CDKAL1: variants seen among roughly 807,000 people sequenced by gnomAD.
CDKAL1 encodes the protein CDKAL1 threonylcarbamoyladenosine tRNA methylthiotransferase, also known as threonylcarbamoyladenosine tRNA methylthiotransferase.
CDKAL1 carries 32 observed loss-of-function variants against 68.2 expected under a neutral mutation model. That is an observed-to-expected ratio of 0.47 (90% CI 0.35 to 0.63). CDKAL1 has a LOEUF of 0.63. Among genes scored for constraint, CDKAL1 ranks in the 30% least tolerant of loss-of-function variants. The pLI is 0.00. For synonymous variants in CDKAL1, 234 were observed against 244.3 expected, an observed-to-expected ratio of 0.96 and a Z score of 0.39; for missense variants, 606 against 696.7, an observed-to-expected ratio of 0.87 and a Z score of 1.47.
chr6:20,922,028 T>C (rs1385678619), intron 9 of CDKAL1, among the ~76,000 whole-genome samples: 2 of 152,194 alleles, frequency 1.3e-5, no homozygotes, highest in Admixed American at 1.3e-4. Flanking sequence ...TGGGCTGTCT[T>C]CTTAAAAGCG....
At chr6:21,135,129 C>T (rs1414613877) in intron 13 of CDKAL1, among the ~76,000 whole-genome samples, 1 of 152,070 alleles carries the variant, frequency 6.6e-6, no homozygotes, top group Non-Finnish European at 1.5e-5. Context: ...CTTGACTTTG[C>T]CTCCAAACTA....
At chr6:20,787,064 T>C (rs1775707763) in intron 8 of CDKAL1, among the ~76,000 whole-genome samples, 1 of 152,130 alleles carries the variant, frequency 6.6e-6, no homozygotes, top group Non-Finnish European at 1.5e-5. Flanking sequence ...AGCTTGAAGG[T>C]TTGAAATCCT....
chr6:20,969,804 G>A (rs1013742281), intron 10 of CDKAL1, among the ~76,000 whole-genome samples: 2 of 152,088 alleles, frequency 1.3e-5, no homozygotes, highest in Non-Finnish European at 1.5e-5. Flanking sequence ...AGTTTAGCAC[G>A]TTCTCAGATA....
At chr6:21,008,839 A>G (rs1386553137) in intron 11 of CDKAL1, among the ~76,000 whole-genome samples, 1 of 152,218 alleles carries the variant, frequency 6.6e-6, no homozygotes, top group Non-Finnish European at 1.5e-5. Flanking sequence ...GGCTTAGAGC[A>G]GTATTTCTTG....
intron 13 of CDKAL1, among the ~76,000 whole-genome samples, chr6:21,120,267 A>G (rs895347926): frequency 2.0e-5 from 3 of 152,232 alleles, no homozygotes; most frequent in Admixed American, 2.0e-4. Flanking sequence ...ATATATATGA[A>G]GTGTATTTTA....
At chr6:21,082,952 C>A (rs1236126775) in intron 12 of CDKAL1, among the ~76,000 whole-genome samples, 1 of 149,750 alleles carries the variant, frequency 6.7e-6, no homozygotes, top group African/African-American at 2.5e-5. Flanking sequence ...CGGCTCCCTG[C>A]AACCTCGACC....
chr6:20,583,811 C>CT (rs779577018), intron 4 of CDKAL1, among the ~76,000 whole-genome samples: 4 of 145,564 alleles, frequency 2.7e-5, no homozygotes, highest in Non-Finnish European at 6.1e-5. Flanking sequence ...TCAGTCTGCT[C>CT]TTGCAGAGAA....
At chr6:20,915,176 A>T (rs1433360606) in intron 9 of CDKAL1, among the ~76,000 whole-genome samples, 1 of 151,896 alleles carries the variant, frequency 6.6e-6, no homozygotes, top group East Asian at 1.9e-4. Flanking sequence ...GGCAAAAAAA[A>T]AAAGGAAGAA....
intron 9 of CDKAL1, among the ~76,000 whole-genome samples, chr6:20,858,324 C>G (rs576258580): frequency 1.3e-5 from 2 of 149,816 alleles, no homozygotes; most frequent in South Asian, 2.1e-4. Flanking sequence ...TCTGTATTGA[C>G]TTTTTTTTTT....
At chr6:21,030,262 G>C (rs1769200557) in intron 11 of CDKAL1, among the ~76,000 whole-genome samples, 1 of 152,144 alleles carries the variant, frequency 6.6e-6, no homozygotes, top group Non-Finnish European at 1.5e-5. Context: ...CTCGTAAGTG[G>C]AAGTTGAACA....
intron 15 of CDKAL1, among the ~76,000 whole-genome samples, chr6:21,202,688 C>G (rs779977889): frequency 1.1e-4 from 17 of 152,134 alleles, no homozygotes; most frequent in Admixed American, 2.0e-4. Context: ...ATGTTTGCCT[C>G]TTGGAAAGGG....
chr6:21,207,343 T>C (rs1341809299), intron 15 of CDKAL1, among the ~76,000 whole-genome samples: 1 of 152,038 alleles, frequency 6.6e-6, no homozygotes, highest in East Asian at 1.9e-4. Context: ...CCTAGCACCA[T>C]TGGGAGACTT....
At chr6:21,212,857 G>A (rs1482543570) in intron 15 of CDKAL1, among the ~76,000 whole-genome samples, 1 of 152,090 alleles carries the variant, frequency 6.6e-6, no homozygotes, top group African/African-American at 2.4e-5. Context: ...TTGAGAAACA[G>A]AAATTTTCAA....
intron 12 of CDKAL1, among the ~76,000 whole-genome samples, chr6:21,102,124 G>A (rs966697739): frequency 6.6e-6 from 1 of 152,034 alleles, no homozygotes; most frequent in African/African-American, 2.4e-5. Context: ...CCTTTCTTCA[G>A]CCCAACTAGG....
At chr6:20,861,105 A>G (rs1759600812) in intron 9 of CDKAL1, among the ~76,000 whole-genome samples, 1 of 152,084 alleles carries the variant, frequency 6.6e-6, no homozygotes, top group Non-Finnish European at 1.5e-5. Context: ...ATGAGTCAGG[A>G]CTGATAGAGG....
At chr6:21,160,581 C>A (rs1471357696) in intron 13 of CDKAL1, among the ~76,000 whole-genome samples, 1 of 145,400 alleles carries the variant, frequency 6.9e-6, no homozygotes, top group Non-Finnish European at 1.5e-5. Flanking sequence ...CAGGCGTGAG[C>A]CACCGCACCC....
intron 15 of CDKAL1, among the ~76,000 whole-genome samples, chr6:21,228,121 A>AT (rs1396203458): frequency 6.6e-6 from 1 of 152,074 alleles, no homozygotes; most frequent in Non-Finnish European, 1.5e-5. Context: ...AAAAGGGTGG[A>AT]TTTTCCCTGA....
At chr6:20,576,105 GAAAAATGAACATTCC>G (rs1764897673) in intron 4 of CDKAL1, among the ~76,000 whole-genome samples, 1 of 152,120 alleles carries the variant, frequency 6.6e-6, no homozygotes, top group South Asian at 2.1e-4. Context: ...TTTGAGGATG[GAAAAATGAACATTCC>G]AAAACTCTGA....
chr6:21,077,843 A>C (rs968510110), intron 12 of CDKAL1, among the ~76,000 whole-genome samples: 1 of 152,124 alleles, frequency 6.6e-6, no homozygotes, highest in African/African-American at 2.4e-5. Flanking sequence ...AATTAAGTTC[A>C]AGCTCTTGAG....
Sources: allele counts gnomAD v4.1 joint callset (sites outside exome capture counted in the v4.1 genomes callset), GRCh38; gene constraint gnomAD v4.1.1; transcripts MANE v1.5; gene names NCBI Gene and HGNC (gene_info 2026-07-23, HGNC 2026-07-21).